HELZ: variants seen among roughly 807,000 people sequenced by gnomAD.
HELZ encodes the protein helicase with zinc finger.
Under a neutral mutation model 218.2 loss-of-function variants are expected in HELZ, and 23 were observed. That is an observed-to-expected ratio of 0.11 (90% CI 0.08 to 0.15). The LOEUF is 0.15. Among genes scored for constraint, HELZ ranks in the 10% least tolerant of loss-of-function variants. The pLI, the probability that HELZ is intolerant of heterozygous loss-of-function variation, is 1.00. For missense variants in HELZ, 1,813 were observed against 2,353.7 expected, an observed-to-expected ratio of 0.77 and a Z score of 4.75; for synonymous variants, 814 against 829.4, an observed-to-expected ratio of 0.98 and a Z score of 0.32.
chr17:67,079,207 C>T (rs970213913), intron 32 of HELZ, among the ~76,000 whole-genome samples: 2 of 152,200 alleles, frequency 1.3e-5, no homozygotes, highest in African/African-American at 4.8e-5. Flanking sequence ...TTTCAAATAA[C>T]TGCTTTTCTT....
intron 20 of HELZ, among the ~76,000 whole-genome samples, chr17:67,147,084 A>G (rs1051890307): frequency 6.6e-6 from 1 of 152,122 alleles, no homozygotes; most frequent in Admixed American, 6.5e-5. Flanking sequence ...TTTAAAGCAG[A>G]TTACTTGTAC....
intron 31 of HELZ, among the ~76,000 whole-genome samples, chr17:67,097,115 A>G (rs538582120): frequency 1.3e-5 from 2 of 152,358 alleles, no homozygotes; most frequent in South Asian, 4.1e-4. Context: ...AAGGAGACTA[A>G]GTGATGGGGG....
At chr17:67,165,753 C>T (rs535616284) in intron 15 of HELZ, among the ~76,000 whole-genome samples, 1 of 152,316 alleles carries the variant, frequency 6.6e-6, no homozygotes, top group South Asian at 2.1e-4. Flanking sequence ...ATTTATACGA[C>T]CATTAACTGG....
chr17:67,161,149 G>T, intron 15 of HELZ, 73 bp from the exon 16 acceptor site: 2 of 1,112,682 alleles, frequency 1.8e-6, no homozygotes, highest in Non-Finnish European at 2.5e-6. Flanking sequence ...CGAGTATCGT[G>T]AATTTCAGTG....
At chr17:67,220,550 A>G (rs1161229440) in intron 3 of HELZ, among the ~76,000 whole-genome samples, 2 of 152,126 alleles carry the variant, frequency 1.3e-5, no homozygotes, top group African/African-American at 4.8e-5. Flanking sequence ...TGGCACAATC[A>G]CTGCTCACTG....
intron 13 of HELZ, chr17:67,176,564 G>C (rs185429965): frequency 6.6e-6 from 1 of 152,210 alleles, no homozygotes; most frequent in South Asian, 2.1e-4. Flanking sequence ...GGCCAGGGGC[G>C]GTGGCTCATG....
chr17:67,122,497 G>A (rs915641207), intron 26 of HELZ, among the ~76,000 whole-genome samples: 3 of 151,802 alleles, frequency 2.0e-5, no homozygotes, highest in African/African-American at 7.3e-5. Flanking sequence ...AGTGAGCCAA[G>A]ATCACGCCAC....
chr17:67,204,165 T>A (rs193008498), intron 5 of HELZ, among the ~76,000 whole-genome samples: 258 of 152,352 alleles, frequency 1.7e-3, no homozygotes, highest in African/African-American at 5.9e-3. Context: ...TGCAATAATT[T>A]GCTAAAATAT....
At chr17:67,162,850 C>T (rs983780873) in intron 15 of HELZ, among the ~76,000 whole-genome samples, 18 of 151,446 alleles carry the variant, frequency 1.2e-4, no homozygotes, top group African/African-American at 4.4e-4. Context: ...TGAGGCAAAA[C>T]ACATCAGGAA....
rs932224616 is a variant in HELZ, at chr17:67,193,884, C to A, written c.557+83G>T. The A allele has an allele frequency of 5.2e-6, 5 of 961,046 alleles. No individual in the cohort carries two copies. In the African/African-American group the frequency reaches 8.2e-5, roughly 16 times the overall value. 59.5% of individuals were successfully genotyped at this position (961,046 alleles called of 1,614,324 possible). A position where few individuals can be genotyped will look rare whatever the true frequency, so the allele number is the denominator to read the frequency against. On this transcript the variant is annotated intron_variant, in intron 9 of 32. Coordinates refer to ENST00000358691, the MANE Select transcript of HELZ (RefSeq NM_014877.4). ...CTTCTGTTTCAAATTGAAAATAAACCATTTTACTCCATTAGATAAGGAAAA... is the reference window on the plus strand; with the variant it reads ...CTTCTGTTTCAAATTGAAAATAAACAATTTTACTCCATTAGATAAGGAAAA...
In HELZ at chr17:67,101,313, A is replaced by G. The variant is rs573165583; in HGVS notation, c.5241+5856T>C. Among the ~76,000 whole-genome samples the G allele has an allele frequency of 3.3e-5, 5 of 152,176 alleles. No homozygotes were observed. In the South Asian group the frequency reaches 1.0e-3, roughly 32 times the overall value. On this transcript the variant is annotated intron_variant, in intron 31 of 32. Coordinates refer to ENST00000358691, the MANE Select transcript of HELZ (RefSeq NM_014877.4). ...GGAAAGAGTTCATAAAGTTATTTTA[A>G]ATTTTTTTTTAGTAGTAAAACCACA...
At chr17:67,190,680 CCT>C (rs1260421168) in intron 9 of HELZ, among the ~76,000 whole-genome samples, 5 of 152,048 alleles carry the variant, frequency 3.3e-5, no homozygotes, top group Non-Finnish European at 7.4e-5. Flanking sequence ...CTAGACAATT[CCT>C]CTTAGTGTAA....
intron 5 of HELZ, among the ~76,000 whole-genome samples, chr17:67,207,016 G>A (rs934797560): frequency 2.0e-5 from 3 of 146,594 alleles, no homozygotes; most frequent in Admixed American, 6.8e-5. Context: ...AGGTTCAAGC[G>A]ACTATCCTAC....
chr17:67,240,500 T>C (rs2041290754), intron 2 of HELZ, among the ~76,000 whole-genome samples: 1 of 152,230 alleles, frequency 6.6e-6, no homozygotes, highest in Admixed American at 6.5e-5. Context: ...AAAACTGTAT[T>C]AGTTAAACAC....
At chr17:67,164,381 T>C (rs2039077618) in intron 15 of HELZ, among the ~76,000 whole-genome samples, 2 of 152,140 alleles carry the variant, frequency 1.3e-5, no homozygotes, top group South Asian at 4.1e-4. Context: ...GATAGAGAGA[T>C]CTTCAGTGAA....
intron 17 of HELZ, among the ~76,000 whole-genome samples, chr17:67,155,790 T>G (rs1044725976): frequency 6.0e-5 from 9 of 150,450 alleles, no homozygotes; most frequent in Non-Finnish European, 8.8e-5. Flanking sequence ...TGAGCCCAGA[T>G]AGCCCCACTG....
In HELZ at chr17:67,075,046, T is replaced by C. The variant is rs764737555; in HGVS notation, c.*3206A>G. 1.3e-5 allele frequency: 2 copies of C among 152,122 alleles called. No individual in the cohort carries two copies. Among genetic ancestry groups the C allele is most frequent in the Admixed American group, 6.5e-5 (1 of 15,268 alleles). 9.4% of individuals were successfully genotyped at this position (152,122 alleles called of 1,614,324 possible). ...CAATTTGGCAAAGCATATGCCCAAATGACAACCAAAACCCCCTTTAAAGAC... is the reference window on the plus strand; with the variant it reads ...CAATTTGGCAAAGCATATGCCCAAACGACAACCAAAACCCCCTTTAAAGAC... On this transcript the variant is annotated 3_prime_UTR_variant, in exon 33 of 33. Transcript: ENST00000358691.
At chr17:67,088,850 T>C (rs1180420445) in intron 31 of HELZ, among the ~76,000 whole-genome samples, 1 of 152,254 alleles carries the variant, frequency 6.6e-6, no homozygotes, top group African/African-American at 2.4e-5. Flanking sequence ...CAACTAGGAA[T>C]GTAATCAGCA....
At position 67,169,574 on chromosome 17, in the gene HELZ, G is replaced by C. The variant is rs553768303; in HGVS notation, c.1431-1778C>G. 2.0e-5 allele frequency among the ~76,000 whole-genome samples: 3 copies of C among 152,196 alleles called. No individual in the cohort carries two copies. The South Asian group carries it at 6.2e-4, about 32-fold the overall frequency. On this transcript the variant is annotated intron_variant, in intron 13 of 32. Transcript: ENST00000358691. Reference sequence around the variant, plus strand: ...TTTAAGAGTCCCACCTCTTAATACTGTCCCAATGGCAATTACATTTCAACA... The same window carrying C: ...TTTAAGAGTCCCACCTCTTAATACTCTCCCAATGGCAATTACATTTCAACA...
Sources: gnomAD v4.1 joint callset for allele counts (sites outside exome capture counted in the v4.1 genomes callset) on GRCh38, gnomAD v4.1.1 for gene constraint, MANE v1.5 for transcripts, NCBI Gene and HGNC (gene_info 2026-07-23, HGNC 2026-07-21) for gene names.